The following PTPRG variants were observed in gnomAD, a reference collection of about 807,000 sequenced individuals.
PTPRG encodes the protein protein tyrosine phosphatase receptor type G.
Under a neutral mutation model 165.3 loss-of-function variants are expected in PTPRG, and 102 were observed. That is an observed-to-expected ratio of 0.62 (90% CI 0.53 to 0.73). PTPRG has a LOEUF of 0.73. PTPRG is among the 30% of genes least tolerant of loss of function. The pLI is 0.00. For synonymous variants in PTPRG, 675 were observed against 669.5 expected (o/e 1.01, Z -0.13); for missense variants, 1,866 against 1,861.4 (o/e 1.00, Z -0.05).
At chr3:61,919,909 T>C (rs1027222828) in intron 2 of PTPRG, among the ~76,000 whole-genome samples, 1 of 152,182 alleles carries the variant, frequency 6.6e-6, no homozygotes, top group East Asian at 1.9e-4. Context: ...GTAAAAGCAG[T>C]CACTAGTAGC....
At chr3:61,621,603 G>T (rs1009650354) in intron 1 of PTPRG, among the ~76,000 whole-genome samples, 1 of 150,418 alleles carries the variant, frequency 6.6e-6, no homozygotes, top group African/African-American at 2.5e-5. Context: ...CACTCTTTCT[G>T]TTCTTCCTTT....
rs1203691421 is a variant in PTPRG at position 61,748,903 on chromosome 3, C to T, written c.111C>T (p.Ala37=). The T allele has an allele frequency of 6.2e-7, 1 of 1,613,530 alleles. No homozygotes were observed. Among genetic ancestry groups the T allele is most frequent in the Non-Finnish European group, 8.5e-7 (1 of 1,179,914 alleles). Residue 37 remains alanine (A), a synonymous_variant, in exon 2 of 30, where the codon GCC becomes GCT. Transcript: ENST00000474889. ...CGTTGACAGAAGGCTACGTTGGGGC[C>T]CTGCACGAGAATAGACACGGCAGCG... ...FPALTEGYVG[A]LHENRHGSAV... is the part of the protein sequence containing the mutation.
At chr3:62,272,694 C>T (rs534818748) in intron 21 of PTPRG, among the ~76,000 whole-genome samples, 114 of 152,084 alleles carry the variant, frequency 7.5e-4, no homozygotes, top group African/African-American at 2.5e-3. Context: ...AAAAATTAGT[C>T]GGGTGTAGTG....
chr3:61,881,316 A>C (rs750552620), intron 2 of PTPRG, among the ~76,000 whole-genome samples: 15 of 152,278 alleles, frequency 9.9e-5, no homozygotes, highest in Non-Finnish European at 2.1e-4. Flanking sequence ...ACTTGGGGAG[A>C]AATGTATTAG....
intron 6 of PTPRG, among the ~76,000 whole-genome samples, chr3:62,147,794 AT>A (rs369030467): frequency 5.5e-4 from 83 of 152,230 alleles, no homozygotes; most frequent in African/African-American, 2.0e-3. Flanking sequence ...CTCTTGTGGA[AT>A]AATCAAGCTG....
chr3:62,231,316 G>C lies in PTPRG; in HGVS notation c.2375+5G>C. 1 of 1,576,772 alleles carries C rather than the reference G, an allele frequency of 6.3e-7. No individual in the cohort carries two copies. Among genetic ancestry groups the C allele is most frequent in the Non-Finnish European group, 8.6e-7 (1 of 1,163,214 alleles). ...GAGAGGAGAGAAGGGGAGCAGGTGAGGGGCGGTCAAGCTTAAGTGGGGGGC... is the reference window on the plus strand; with the variant it reads ...GAGAGGAGAGAAGGGGAGCAGGTGACGGGCGGTCAAGCTTAAGTGGGGGGC... On this transcript the variant is annotated splice_donor_5th_base_variant and intron_variant, in intron 14 of 29. Transcript: ENST00000474889.
chr3:62,207,947 C>T (rs1700269662), intron 12 of PTPRG, among the ~76,000 whole-genome samples: 2 of 152,198 alleles, frequency 1.3e-5, no homozygotes, highest in Admixed American at 1.3e-4. Flanking sequence ...AGATTACTGC[C>T]AGTGAGAATG....
In PTPRG at chr3:61,989,786, A is replaced by G; in HGVS notation, c.352A>G (p.Lys118Glu). Residue 118 changes from lysine (K) to glutamate (E), a missense_variant, in exon 3 of 30, where the codon AAA becomes GAA. Physicochemically the swap from Lys to Glu is moderately conservative, Grantham distance 56. This residue lies in a region of PTPRG where 408 missense variants were observed against 376.2 expected (regional missense o/e 1.08). Coordinates refer to ENST00000474889, the MANE Select transcript of PTPRG (RefSeq NM_002841.4). ...DNESSNKTWMKNTGKTVAILL... is the reference protein window; with the variant it reads ...DNESSNKTWMENTGKTVAILL... ...TGAGTCTTCTAACAAAACCTGGATG[A>G]AAAACACAGGGAAAACAGGTAGACA... 10 of 1,614,084 alleles carry G rather than the reference A, an allele frequency of 6.2e-6. No individual in the cohort carries two copies. The highest frequency in any genetic ancestry group is 8.5e-6 in the Non-Finnish European group (10 of 1,179,972).
chr3:61,725,915 G>C (rs1206898647), intron 1 of PTPRG, among the ~76,000 whole-genome samples: 6 of 152,140 alleles, frequency 3.9e-5, no homozygotes, highest in African/African-American at 1.4e-4. Context: ...CCCAGCAGGA[G>C]AGTTCTCTGA....
intron 1 of PTPRG, among the ~76,000 whole-genome samples, chr3:61,737,820 T>G (rs1341078650): frequency 2.6e-5 from 4 of 152,098 alleles, no homozygotes; most frequent in Non-Finnish European, 5.9e-5. Context: ...TTTGTTATTG[T>G]GAAGCTTACT....
chr3:61,756,172 G>A (rs2033628256), intron 2 of PTPRG, among the ~76,000 whole-genome samples: 1 of 152,196 alleles, frequency 6.6e-6, no homozygotes, highest in Admixed American at 6.5e-5. Flanking sequence ...CTATTAAGAT[G>A]TGTTATAGTG....
intron 1 of PTPRG, among the ~76,000 whole-genome samples, chr3:61,634,018 G>A (rs1331725008): frequency 6.6e-6 from 1 of 151,820 alleles, no homozygotes; most frequent in Non-Finnish European, 1.5e-5. Flanking sequence ...GGGTTGAAGC[G>A]ATTCTCATGC....
At chr3:61,908,921 C>A (rs1452421008) in intron 2 of PTPRG, among the ~76,000 whole-genome samples, 1 of 152,182 alleles carries the variant, frequency 6.6e-6, no homozygotes, top group Admixed American at 6.5e-5. Flanking sequence ...TACTGCCCCC[C>A]ATTCCAAGTG....
At chr3:62,226,617 G>A (rs1559677883) in intron 13 of PTPRG, among the ~76,000 whole-genome samples, 1 of 152,208 alleles carries the variant, frequency 6.6e-6, no homozygotes, top group Non-Finnish European at 1.5e-5. Context: ...GTATAGAGCA[G>A]CTTTACTTCT....
chr3:62,009,393 A>T (rs2041367018), intron 4 of PTPRG, among the ~76,000 whole-genome samples: 1 of 152,150 alleles, frequency 6.6e-6, no homozygotes, highest in Non-Finnish European at 1.5e-5. Flanking sequence ...TTTTAGGCTG[A>T]CCTTGTTCTG....
Position 61,753,935 on chromosome 3 carries a change from A to G in PTPRG, c.190+4953A>G, listed in dbSNP as rs1159152949. 3.3e-5 allele frequency among the ~76,000 whole-genome samples: 5 copies of G among 152,078 alleles called. No individual in the cohort carries two copies. The East Asian group carries it at 9.6e-4, about 29-fold the overall frequency. Reference sequence around the variant, plus strand: ...ATATAAAGTTATTTTCTCTCTTGCCACTCAAAGACTAGAGAAAAACAGGTG... The same window carrying G: ...ATATAAAGTTATTTTCTCTCTTGCCGCTCAAAGACTAGAGAAAAACAGGTG... On this transcript the variant is annotated intron_variant, in intron 2 of 29. Coordinates refer to ENST00000474889, the MANE Select transcript of PTPRG (RefSeq NM_002841.4).
At position 61,605,660 on chromosome 3, in the gene PTPRG, C is replaced by G. The variant is rs187498909; in HGVS notation, c.85+43288C>G. Reference sequence around the variant, plus strand: ...CATAGCTTACTGCTGCCTTGAACTCCTGGCCTCAAGTGATTCTTTCACCTC... The same window carrying G: ...CATAGCTTACTGCTGCCTTGAACTCGTGGCCTCAAGTGATTCTTTCACCTC... On this transcript the variant is annotated intron_variant, in intron 1 of 29. Coordinates refer to ENST00000474889, the MANE Select transcript of PTPRG (RefSeq NM_002841.4). Among the ~76,000 whole-genome samples, 949 of 152,216 alleles carry G rather than the reference C, an allele frequency of 6.2e-3. 4 individuals are homozygous for G. Among genetic ancestry groups the G allele is most frequent in the Non-Finnish European group, 0.011 (734 of 68,004 alleles).
intron 2 of PTPRG, among the ~76,000 whole-genome samples, chr3:61,894,969 A>G (rs2038312551): frequency 6.6e-6 from 1 of 152,112 alleles, no homozygotes; most frequent in Non-Finnish European, 1.5e-5. Flanking sequence ...GTAGGAGGGT[A>G]TCTTGTACAT....
intron 1 of PTPRG, among the ~76,000 whole-genome samples, chr3:61,709,596 T>A (rs1051472767): frequency 6.6e-6 from 1 of 152,196 alleles, no homozygotes; most frequent in African/African-American, 2.4e-5. Context: ...ATTACAGGTG[T>A]GAGCCACCGT....
Sources: allele counts gnomAD v4.1 joint callset (sites outside exome capture counted in the v4.1 genomes callset), GRCh38; gene constraint gnomAD v4.1.1; regional missense constraint gnomAD v4.1.1; transcripts MANE v1.5; gene names NCBI Gene and HGNC (gene_info 2026-07-23, HGNC 2026-07-21).